RPP30: variants seen among roughly 807,000 people sequenced by gnomAD.
RPP30 encodes the protein ribonuclease P protein subunit p30.
Under a neutral mutation model 38.6 loss-of-function variants are expected in RPP30, and 36 were observed. The ratio of observed to expected loss-of-function variants is 0.93; its 90% CI spans 0.71 to 1.23. The LOEUF is 1.23. Ranked by LOEUF, RPP30 falls within the 50% of genes most tolerant of loss-of-function variation. The pLI is 0.00. For synonymous variants in RPP30, 126 were observed against 112.7 expected, an observed-to-expected ratio of 1.12 and a Z score of -0.75; for missense variants, 321 against 321.7, an observed-to-expected ratio of 1.00 and a Z score of 0.02.
At chr10:90,887,428 G>A (rs1369580518) in intron 6 of RPP30, among the ~76,000 whole-genome samples, 3 of 151,110 alleles carry the variant, frequency 2.0e-5, no homozygotes, top group Non-Finnish European at 4.4e-5. Context: ...TGTCACCCAG[G>A]CTGGAGTACA....
At chr10:90,873,262 T>C (rs886646490) in intron 1 of RPP30, among the ~76,000 whole-genome samples, 1 of 152,244 alleles carries the variant, frequency 6.6e-6, no homozygotes, top group African/African-American at 2.4e-5. Context: ...ATGATTTCTT[T>C]AGAGAATTTC....
downstream of RPP30, among the ~76,000 whole-genome samples, chr10:90,902,666 C>A (rs115892603): frequency 6.8e-3 from 1,034 of 152,116 alleles, 13 homozygotes; most frequent in African/African-American, 0.023. Flanking sequence ...CAATAAAAAC[C>A]CATGGCAAAA....
At chr10:90,881,582 T>A (rs953387867) in intron 5 of RPP30, among the ~76,000 whole-genome samples, 1 of 152,244 alleles carries the variant, frequency 6.6e-6, no homozygotes, top group Admixed American at 6.5e-5. Flanking sequence ...ATCTTCCTCT[T>A]CTCTATCCAA....
rs142022635 is a variant in RPP30 at position 90,884,319 on chromosome 10, G to C, written c.343-1493G>C. Among the ~76,000 whole-genome samples, 42 of 152,218 alleles carry C rather than the reference G, an allele frequency of 2.8e-4. No individual in the cohort carries two copies. The East Asian group carries it at 5.0e-3, about 18-fold the overall frequency. Reference sequence around the variant, plus strand: ...TGTTGGTGTGTGCATTTAAAATTTTGGTAGCCATTGCTAAAATGCTTTTCA... The same window carrying C: ...TGTTGGTGTGTGCATTTAAAATTTTCGTAGCCATTGCTAAAATGCTTTTCA... On this transcript the variant is annotated intron_variant, in intron 5 of 10. Coordinates refer to ENST00000371703, the MANE Select transcript of RPP30 (RefSeq NM_006413.5).
intron 6 of RPP30, among the ~76,000 whole-genome samples, chr10:90,891,144 T>G (rs1248478037): frequency 6.6e-6 from 1 of 152,228 alleles, no homozygotes; most frequent in Non-Finnish European, 1.5e-5. Context: ...ATCTCACAGT[T>G]CTGAAGCCTG....
At chr10:90,877,560 C>T (rs942326279) in intron 4 of RPP30, among the ~76,000 whole-genome samples, 3 of 150,492 alleles carry the variant, frequency 2.0e-5, no homozygotes, top group African/African-American at 4.9e-5. Flanking sequence ...AAAGGGAAAA[C>T]AGAAAAGGAG....
At position 90,876,265 on chromosome 10, in the gene RPP30, C is replaced by G. The variant is rs551796341; in HGVS notation, c.270+167C>G. On this transcript the variant is annotated intron_variant, in intron 4 of 10. Transcript: ENST00000371703. The stretch of plus-strand genomic sequence containing the variant: ...TCAGAATTCACACAGTGTAATATGT[C>G]TGTTCCACTTACTCATGGCACATGT... 4.0e-4 allele frequency among the ~76,000 whole-genome samples: 61 copies of G among 152,288 alleles called. No individual in the cohort carries two copies. The highest frequency in any genetic ancestry group is 1.4e-3 in the African/African-American group (58 of 41,554).
chr10:90,902,075 G>A lies in RPP30; in HGVS notation c.*1396G>A. On this transcript the variant is annotated 3_prime_UTR_variant, in exon 11 of 11. Transcript: ENST00000371703. Reference sequence around the variant, plus strand: ...GCCTCCCAAAGTGCTGGGATTACAGGCGTTAGCCACTGCGCCCGGCCCGAG... The same window carrying A: ...GCCTCCCAAAGTGCTGGGATTACAGACGTTAGCCACTGCGCCCGGCCCGAG... 3 of 976,742 alleles carry A rather than the reference G, an allele frequency of 3.1e-6. No homozygotes were observed. The highest frequency in any genetic ancestry group is 3.7e-6 in the Non-Finnish European group (3 of 820,122). 60.5% of individuals were successfully genotyped at this position (976,742 alleles called of 1,614,324 possible). A position where few individuals can be genotyped will look rare whatever the true frequency, so the allele number is the denominator to read the frequency against.
At chr10:90,889,964 A>T (rs1847053953) in intron 6 of RPP30, among the ~76,000 whole-genome samples, 1 of 152,224 alleles carries the variant, frequency 6.6e-6, no homozygotes, top group Admixed American at 6.5e-5. Context: ...GAATAATCAC[A>T]TGACTTCAGA....
Position 90,874,895 on chromosome 10 carries a change from CATATCGTTGACTTTAAGG to C in RPP30, c.111_128del (p.His37_Glu43delinsGln). Reference sequence around the variant, plus strand: ...TGGCTATTCAGTTGTTGCTATCAATCATATCGTTGACTTTAAGGAAAAGAAACAGGTAAAATAATATTT... The same window carrying C: ...TGGCTATTCAGTTGTTGCTATCAATCAAAAGAAACAGGTAAAATAATATTT... On this transcript the variant is annotated inframe_deletion, in exon 2 of 11. Coordinates refer to ENST00000371703, the MANE Select transcript of RPP30 (RefSeq NM_006413.5). The C allele has an allele frequency of 6.3e-7, 1 of 1,595,294 alleles. No homozygotes were observed. The highest frequency in any genetic ancestry group is 1.1e-5 in the South Asian group (1 of 88,148).
chr10:90,881,047 G>T (rs573075905), intron 5 of RPP30, among the ~76,000 whole-genome samples: 2 of 152,282 alleles, frequency 1.3e-5, no homozygotes, highest in South Asian at 4.1e-4. Flanking sequence ...ACTCAGTTGT[G>T]ATTTAGAATA....
chr10:90,878,609 A>G (rs1221993669), intron 4 of RPP30, among the ~76,000 whole-genome samples: 1 of 151,794 alleles, frequency 6.6e-6, no homozygotes, highest in Non-Finnish European at 1.5e-5. Flanking sequence ...CTTCTGCTTC[A>G]GGCCCCTCAA....
chr10:90,876,076 A>G lies in RPP30; in HGVS notation c.248A>G (p.Asp83Gly). 2 of 1,581,288 alleles carry G rather than the reference A, an allele frequency of 1.3e-6. No individual in the cohort carries two copies. Among genetic ancestry groups the G allele is most frequent in the Non-Finnish European group, 1.7e-6 (2 of 1,150,526 alleles). Reference sequence around the variant, plus strand: ...ACTAGATTAACAATTATTGTCTCGGATCCATCTCACTGCAATGTTTTGGTA... The same window carrying G: ...ACTAGATTAACAATTATTGTCTCGGGTCCATCTCACTGCAATGTTTTGGTA... ...ILTRLTIIVS[D>G]PSHCNVLRAT... is the part of the protein sequence containing the mutation. The change falls in exon 4 of 11, where the codon GAT becomes GGT. Residue 83 changes from aspartate (D) to glycine (G), a missense_variant. Physicochemically the swap from Asp to Gly is moderately conservative, Grantham distance 94. Transcript: ENST00000371703.
At chr10:90,873,542 C>T (rs1421388175) in intron 1 of RPP30, among the ~76,000 whole-genome samples, 1 of 152,128 alleles carries the variant, frequency 6.6e-6, no homozygotes, top group Non-Finnish European at 1.5e-5. Context: ...AATTAAAATA[C>T]CCTAAAGCCT....
chr10:90,908,017 A>G (rs1051114920), downstream of RPP30, among the ~76,000 whole-genome samples: 2 of 152,210 alleles, frequency 1.3e-5, no homozygotes, highest in Admixed American at 6.5e-5. Context: ...TCAAACTTGT[A>G]CGACATGTCA....
chr10:90,890,358 G>T (rs959670455), intron 6 of RPP30, among the ~76,000 whole-genome samples: 1 of 152,056 alleles, frequency 6.6e-6, no homozygotes, highest in Admixed American at 6.5e-5. Flanking sequence ...CCATTTCAAT[G>T]TTATTGTCAC....
chr10:90,889,246 G>A (rs777360121), intron 6 of RPP30, among the ~76,000 whole-genome samples: 7 of 146,910 alleles, frequency 4.8e-5, no homozygotes, highest in Non-Finnish European at 9.0e-5. Flanking sequence ...GTGTAAACTT[G>A]TTTTTGGCCT....
Position 90,900,888 on chromosome 10 carries a change from A to G in RPP30, c.*209A>G. On this transcript the variant is annotated 3_prime_UTR_variant, in exon 11 of 11. Transcript: ENST00000371703. ...AAAAGGCTGCCAGCTTAATGAATTTAGATGTACTTTAAGAGAGAAAGACTG... is the reference window on the plus strand; with the variant it reads ...AAAAGGCTGCCAGCTTAATGAATTTGGATGTACTTTAAGAGAGAAAGACTG... 7.7e-7 allele frequency: 1 copy of G among 1,295,808 alleles called. No individual in the cohort carries two copies. The highest frequency in any genetic ancestry group is 9.8e-7 in the Non-Finnish European group (1 of 1,023,880). The allele number at this position is 1,295,808 out of a possible 1,614,324, so 80.3% of individuals were successfully genotyped here.
rs1847191699 is a variant in RPP30 at position 90,900,819 on chromosome 10, C to T, written c.*140C>T. 7.3e-7 allele frequency: 1 copy of T among 1,363,738 alleles called. No homozygotes were observed. 84.5% of individuals were successfully genotyped at this position (1,363,738 alleles called of 1,614,324 possible). ...TAGTCTATAAAAACAGTTTTACTTG[C>T]AATCCATTAAAACAACAAACGAAAC... On this transcript the variant is annotated 3_prime_UTR_variant, in exon 11 of 11. Coordinates refer to ENST00000371703, the MANE Select transcript of RPP30 (RefSeq NM_006413.5).
Sources: allele counts gnomAD v4.1 joint callset (sites outside exome capture counted in the v4.1 genomes callset), GRCh38; gene constraint gnomAD v4.1.1; transcripts MANE v1.5; gene names NCBI Gene and HGNC (gene_info 2026-07-23, HGNC 2026-07-21).